The following RALGPS2 variants were observed in gnomAD, a reference collection of about 807,000 sequenced individuals.
RALGPS2 encodes Ral GEF with PH domain and SH3 binding motif 2.
A neutral mutation model predicts 86.8 loss-of-function variants in RALGPS2; 43 were observed. That is an observed-to-expected ratio of 0.50 (90% CI 0.39 to 0.64). The LOEUF (loss-of-function observed/expected upper bound fraction) is 0.64, where lower values mean the gene tolerates loss of function less well. Among genes scored for constraint, RALGPS2 ranks in the 30% least tolerant of loss-of-function variants. The pLI is 0.00. For missense variants in RALGPS2, 536 were observed against 694.6 expected (o/e 0.77, Z 2.57); for synonymous variants, 243 against 231.3 (o/e 1.05, Z -0.46).
chr1:178,883,556 T>G (rs1659350788), intron 11 of RALGPS2, 23 bp downstream of exon 11: 1 of 1,565,236 alleles, frequency 6.4e-7, no homozygotes, highest in African/African-American at 1.4e-5. Flanking sequence ...TTTTCTCTTG[T>G]TACCAAATCT....
At chr1:178,885,766 A>G (rs1046774567) in intron 12 of RALGPS2, 28 of 401,230 alleles carry the variant, frequency 7.0e-5, no homozygotes, top group African/African-American at 4.6e-4. Flanking sequence ...AAATGAAATT[A>G]TTTTAAAGTA....
At chr1:178,775,272 G>A (rs1379965923) in intron 1 of RALGPS2, among the ~76,000 whole-genome samples, 1 of 152,148 alleles carries the variant, frequency 6.6e-6, no homozygotes, top group African/African-American at 2.4e-5. Context: ...GGTTTACACA[G>A]AGGTAATGTG....
At chr1:178,844,786 AT>A (rs1484008254) in intron 8 of RALGPS2, among the ~76,000 whole-genome samples, 15 of 152,342 alleles carry the variant, frequency 9.8e-5, no homozygotes, top group African/African-American at 1.7e-4. Flanking sequence ...TGTGAAAAAA[AT>A]AATTTAGTTA....
rs180754748 is a variant in RALGPS2, at chr1:178,909,084, A to T, written c.1722+2217A>T. On this transcript the variant is annotated intron_variant, in intron 19 of 19. Transcript: ENST00000367635. The stretch of plus-strand genomic sequence containing the variant: ...CCATCTTGAGTTGATTTTTGTATAC[A>T]GTGTAAGGAAGGGGTCCAGTTTTAA... Among the ~76,000 whole-genome samples, 8 of 152,204 alleles carry T rather than the reference A, an allele frequency of 5.3e-5. No individual in the cohort carries two copies. In the East Asian group the frequency reaches 1.5e-3, roughly 29 times the overall value.
intron 8 of RALGPS2, among the ~76,000 whole-genome samples, chr1:178,875,817 G>A (rs1365372970): frequency 6.6e-6 from 1 of 152,092 alleles, no homozygotes; most frequent in Non-Finnish European, 1.5e-5. Flanking sequence ...GTGAATGATA[G>A]TAGAGGCAAC....
intron 8 of RALGPS2, among the ~76,000 whole-genome samples, chr1:178,840,650 A>G (rs1449393111): frequency 2.6e-5 from 4 of 152,188 alleles, no homozygotes; most frequent in Non-Finnish European, 5.9e-5. Context: ...CTAAGATCAG[A>G]GCAGAACTGA....
At chr1:178,903,255 CAAGT>C (rs1660253631) in intron 18 of RALGPS2, among the ~76,000 whole-genome samples, 1 of 152,098 alleles carries the variant, frequency 6.6e-6, no homozygotes, top group Non-Finnish European at 1.5e-5. Context: ...TTTAAGTAAA[CAAGT>C]AAGCAAATAT....
intron 8 of RALGPS2, among the ~76,000 whole-genome samples, chr1:178,856,234 T>TATATATATATATATATATATATACAC (rs1368301659): frequency 7.0e-5 from 9 of 128,762 alleles, no homozygotes; most frequent in African/African-American, 2.8e-4. Flanking sequence ...TATATATATA[T>TATATATATATATATATATATATACAC]GGTTTTGGGT....
Position 178,911,846 on chromosome 1 carries a change from CTT to C in RALGPS2, c.1723-4482_1723-4481del, listed in dbSNP as rs1558183438. Among the ~76,000 whole-genome samples, 10 of 152,214 alleles carry C rather than the reference CTT, an allele frequency of 6.6e-5. No homozygotes were observed. The South Asian group carries it at 2.1e-3, about 32-fold the overall frequency. ...TTCCATTATGTAGTTATCTAAGTCT[CTT>C]TGTAGGTCTCTAAGAACTTGTTTTC... On this transcript the variant is annotated intron_variant, in intron 19 of 19. Transcript: ENST00000367635.
intron 8 of RALGPS2, among the ~76,000 whole-genome samples, chr1:178,867,919 T>C (rs1411016742): frequency 6.6e-6 from 1 of 151,992 alleles, no homozygotes; most frequent in Non-Finnish European, 1.5e-5. Context: ...TTTTTTGGTA[T>C]TTTTCAATTG....
chr1:178,853,280 T>G (rs1350604470), intron 8 of RALGPS2: 1 of 910,914 alleles, frequency 1.1e-6, no homozygotes, highest in Non-Finnish European at 1.3e-6. Context: ...TAAAAAGGGT[T>G]CCTGGTCTCT....
At position 178,889,666 on chromosome 1, in the gene RALGPS2, G is replaced by T; in HGVS notation, c.1217G>T (p.Ser406Ile). The change falls in exon 14 of 20, where the codon AGT becomes ATT. Residue 406 changes from serine (S) to isoleucine (I), a missense_variant. Coordinates refer to ENST00000367635, the MANE Select transcript of RALGPS2 (RefSeq NM_152663.5). ...GGTAGCAGCGATGGTTCTGAACTAA[G>T]TGAAGAGACCTCATGGCCTGCTTTT... ...SIGSSDGSELSEETSWPAFER... is the reference protein window; with the variant it reads ...SIGSSDGSELIEETSWPAFER... 5 of 1,608,590 alleles carry T rather than the reference G, an allele frequency of 3.1e-6. No homozygotes were observed. The highest frequency in any genetic ancestry group is 4.2e-6 in the Non-Finnish European group (5 of 1,176,960).
At chr1:178,875,871 A>G (rs1411448592) in intron 8 of RALGPS2, among the ~76,000 whole-genome samples, 1 of 152,208 alleles carries the variant, frequency 6.6e-6, no homozygotes, top group Non-Finnish European at 1.5e-5. Flanking sequence ...ATTCAAAATT[A>G]CAGTTGAGAT....
At chr1:178,856,287 G>A (rs1374092303) in intron 8 of RALGPS2, among the ~76,000 whole-genome samples, 1 of 144,280 alleles carries the variant, frequency 6.9e-6, no homozygotes, top group East Asian at 2.0e-4. Flanking sequence ...GAGTGCAGTG[G>A]TGTAGTCATA....
chr1:178,865,151 G>A, intron 8 of RALGPS2: 1 of 1,603,332 alleles, frequency 6.2e-7, no homozygotes, highest in Non-Finnish European at 8.5e-7. Flanking sequence ...AGACACATGG[G>A]TGTCTTGTCG....
At chr1:178,760,165 T>C (rs753791513) in intron 1 of RALGPS2, among the ~76,000 whole-genome samples, 3 of 152,170 alleles carry the variant, frequency 2.0e-5, no homozygotes, top group Non-Finnish European at 2.9e-5. Context: ...TTCCAGATCA[T>C]ATTGTATGGT....
chr1:178,814,866 T>C (rs1655154346), intron 6 of RALGPS2, among the ~76,000 whole-genome samples: 1 of 152,244 alleles, frequency 6.6e-6, no homozygotes, highest in Non-Finnish European at 1.5e-5. Flanking sequence ...TCTGATATTG[T>C]CAAAATTTTT....
At chr1:178,856,517 A>G (rs1558152890) in intron 8 of RALGPS2, among the ~76,000 whole-genome samples, 1 of 144,254 alleles carries the variant, frequency 6.9e-6, no homozygotes, top group Non-Finnish European at 1.5e-5. Flanking sequence ...TCAGACTCCC[A>G]AAGTGTTGGG....
intron 2 of RALGPS2, among the ~76,000 whole-genome samples, chr1:178,781,405 T>G (rs576912288): frequency 6.6e-6 from 1 of 152,314 alleles, no homozygotes; most frequent in Non-Finnish European, 1.5e-5. Flanking sequence ...GAAGTTTCCG[T>G]CAGTAGGAGA....
Sources: gnomAD v4.1 joint callset for allele counts (sites outside exome capture counted in the v4.1 genomes callset) on GRCh38, gnomAD v4.1.1 for gene constraint, MANE v1.5 for transcripts, NCBI Gene and HGNC (gene_info 2026-07-23, HGNC 2026-07-21) for gene names.